DGAT2: variants seen among roughly 807,000 people sequenced by gnomAD.
DGAT2 encodes acyl-CoA retinol O-fatty-acyltransferase.
DGAT2 carries 33 observed loss-of-function variants against 48.4 expected under a neutral mutation model. That is an observed-to-expected ratio of 0.68 (90% CI 0.52 to 0.91). DGAT2 has a LOEUF of 0.91. Ranked by LOEUF, DGAT2 falls within the 40% of genes least tolerant of loss-of-function variation. The pLI is 0.00. For synonymous variants in DGAT2, 191 were observed against 194.1 expected, an observed-to-expected ratio of 0.98 and a Z score of 0.13; for missense variants, 446 against 493.7, an observed-to-expected ratio of 0.90 and a Z score of 0.92.
intron 1 of DGAT2, among the ~76,000 whole-genome samples, chr11:75,781,402 C>G (rs1944861201): frequency 6.6e-6 from 1 of 152,202 alleles, no homozygotes; most frequent in Non-Finnish European, 1.5e-5. Flanking sequence ...TCCCACTGGC[C>G]CGGGGTTCAG....
chr11:75,770,283 A>C (rs1241853622), intron 1 of DGAT2, among the ~76,000 whole-genome samples: 1 of 152,086 alleles, frequency 6.6e-6, no homozygotes, highest in Non-Finnish European at 1.5e-5. Flanking sequence ...CCACACTTTA[A>C]CTGTGACCTA....
At chr11:75,785,639 T>A (rs2135769408) in intron 2 of DGAT2, among the ~76,000 whole-genome samples, 2 of 152,324 alleles carry the variant, frequency 1.3e-5, no homozygotes, top group African/African-American at 4.8e-5. Context: ...TCAAGGCAGA[T>A]GAACCTGCTC....
At position 75,771,612 on chromosome 11, in the gene DGAT2, G is replaced by A. The variant is rs549801787; in HGVS notation, c.121+2500G>A. The stretch of plus-strand genomic sequence containing the variant: ...TCACTGTGGATCTGCTTGAAACTAA[G>A]TGGCTAGATTGTTGGGGGTAACTGG... On this transcript the variant is annotated intron_variant, in intron 1 of 7. Transcript: ENST00000228027. 5.3e-5 allele frequency among the ~76,000 whole-genome samples: 8 copies of A among 152,276 alleles called. No individual in the cohort carries two copies. In the South Asian group the frequency reaches 1.7e-3, roughly 32 times the overall value.
At chr11:75,787,744 G>A (rs895345629) in intron 2 of DGAT2, among the ~76,000 whole-genome samples, 2 of 152,230 alleles carry the variant, frequency 1.3e-5, no homozygotes, top group African/African-American at 4.8e-5. Flanking sequence ...GGTTTCTGGG[G>A]CTGGAGAGAT....
chr11:75,786,962 A>C (rs1279070105), intron 2 of DGAT2, among the ~76,000 whole-genome samples: 1 of 152,256 alleles, frequency 6.6e-6, no homozygotes, highest in Non-Finnish European at 1.5e-5. Context: ...AAAAAAGCTG[A>C]TTAGACATGT....
At chr11:75,772,282 C>T (rs534608572) in intron 1 of DGAT2, among the ~76,000 whole-genome samples, 1 of 152,268 alleles carries the variant, frequency 6.6e-6, no homozygotes, top group East Asian at 1.9e-4. Flanking sequence ...CCAGTTGCCC[C>T]CTACCCACAC....
intron 1 of DGAT2, 127 bp from the exon 2 acceptor site, chr11:75,784,491 T>C: frequency 7.6e-7 from 1 of 1,317,424 alleles, no homozygotes; most frequent in Non-Finnish European, 1.0e-6. Flanking sequence ...AACCCAGGTC[T>C]GTCTGATTCT....
intron 2 of DGAT2, among the ~76,000 whole-genome samples, chr11:75,788,550 T>C (rs369656544): frequency 9.9e-5 from 15 of 152,206 alleles, no homozygotes; most frequent in South Asian, 4.2e-4. Flanking sequence ...CAGGGCTAGA[T>C]TGGGGGGCAA....
intron 2 of DGAT2, among the ~76,000 whole-genome samples, chr11:75,789,153 T>TC (rs1944956079): frequency 1.3e-5 from 2 of 151,984 alleles, no homozygotes; most frequent in African/African-American, 4.8e-5. Flanking sequence ...TTAGGGTTTT[T>TC]TTTTTTTTAC....
intron 7 of DGAT2, among the ~76,000 whole-genome samples, chr11:75,799,611 AT>A (rs926223340): frequency 2.0e-3 from 279 of 142,834 alleles, no homozygotes; most frequent in Middle Eastern, 3.6e-3. Flanking sequence ...CACACTTTTT[AT>A]TTTTTTTTTT....
chr11:75,769,110 G>T lies in DGAT2; in HGVS notation c.119G>T (p.Trp40Leu). 6.4e-7 allele frequency: 1 copy of T among 1,564,916 alleles called. No homozygotes were observed. ...PALSREGSGRWGTGSSILSAL... is the reference protein window; with the variant it reads ...PALSREGSGRLGTGSSILSAL... ...CTGTCGCGCGAGGGGTCTGGGAGAT[G>T]GGGTGAGTGCCACGGCGCAGGGGTT... Residue 40 changes from tryptophan (W) to leucine (L), a missense_variant and splice_region_variant, in exon 1 of 8, where the codon TGG becomes TTG. Coordinates refer to ENST00000228027, the MANE Select transcript of DGAT2 (RefSeq NM_032564.5).
intron 4 of DGAT2, 93 bp downstream of exon 4, chr11:75,790,824 C>A: frequency 7.7e-7 from 1 of 1,294,288 alleles, no homozygotes; most frequent in Non-Finnish European, 1.1e-6. Context: ...CAAGTTTAGA[C>A]CAAGTTGGTC....
chr11:75,774,392 C>T (rs1944786273), intron 1 of DGAT2, among the ~76,000 whole-genome samples: 1 of 152,168 alleles, frequency 6.6e-6, no homozygotes, highest in Admixed American at 6.5e-5. Context: ...CAGATGCAGA[C>T]AGGCTACACC....
In DGAT2 at chr11:75,797,352, C is replaced by G. The variant is rs1945068656; in HGVS notation, c.809+20C>G. On this transcript the variant is annotated intron_variant, in intron 6 of 7. Coordinates refer to ENST00000228027, the MANE Select transcript of DGAT2 (RefSeq NM_032564.5). ...TCATGGGTGAGTGCCTCCCTACACACACACACACCCCTCCAGTGCCCCTCA... is the reference window on the plus strand; with the variant it reads ...TCATGGGTGAGTGCCTCCCTACACAGACACACACCCCTCCAGTGCCCCTCA... 1 of 1,437,750 alleles carries G rather than the reference C, an allele frequency of 7.0e-7. No individual in the cohort carries two copies. The highest frequency in any genetic ancestry group is 9.2e-7 in the Non-Finnish European group (1 of 1,088,418). The allele number at this position is 1,437,750 out of a possible 1,614,324, so 89.1% of individuals were successfully genotyped here.
chr11:75,779,964 A>G (rs1003802059), intron 1 of DGAT2, among the ~76,000 whole-genome samples: 12 of 152,358 alleles, frequency 7.9e-5, no homozygotes, highest in Middle Eastern at 3.4e-3. Flanking sequence ...GCTATGCAGT[A>G]AACCTCTATG....
chr11:75,784,875 A>T, intron 2 of DGAT2, 129 bp downstream of exon 2: 1 of 1,275,128 alleles, frequency 7.8e-7, no homozygotes, highest in Non-Finnish European at 1.1e-6. Flanking sequence ...GCCCCACAGC[A>T]CCTTTCCACA....
intron 1 of DGAT2, among the ~76,000 whole-genome samples, chr11:75,779,560 G>A (rs1944838442): frequency 1.3e-5 from 2 of 152,182 alleles, no homozygotes; most frequent in Admixed American, 1.3e-4. Context: ...GCAGGAGAAG[G>A]GGATTGCTTT....
At chr11:75,797,032 C>G (rs1246637678) in intron 5 of DGAT2, 126 bp from the exon 6 acceptor site, 5 of 950,270 alleles carry the variant, frequency 5.3e-6, no homozygotes, top group Non-Finnish European at 5.9e-6. Context: ...CAGACAACTC[C>G]AAAGGGGCTG....
chr11:75,786,970 TGTA>T (rs1360993281), intron 2 of DGAT2, among the ~76,000 whole-genome samples: 5 of 152,342 alleles, frequency 3.3e-5, no homozygotes, highest in South Asian at 2.1e-4. Flanking sequence ...TGATTAGACA[TGTA>T]GTAACAGGTG....
Sources: gnomAD v4.1 joint callset for allele counts (sites outside exome capture counted in the v4.1 genomes callset) on GRCh38, gnomAD v4.1.1 for gene constraint, MANE v1.5 for transcripts, NCBI Gene and HGNC (gene_info 2026-07-23, HGNC 2026-07-21) for gene names.